MYBBP1A: variants seen among roughly 807,000 people sequenced by gnomAD.
MYBBP1A encodes the protein MYB binding protein 1a.
A neutral mutation model predicts 136.3 loss-of-function variants in MYBBP1A; 147 were observed. That is an observed-to-expected ratio of 1.08 (90% CI 0.94 to 1.24). MYBBP1A has a LOEUF of 1.24. Ranked by LOEUF, MYBBP1A falls within the 50% of genes most tolerant of loss-of-function variation. MYBBP1A has a pLI of 0.00. For missense variants in MYBBP1A, 2,060 were observed against 1,727.4 expected, an observed-to-expected ratio of 1.19 and a Z score of -3.41; for synonymous variants, 947 against 735.8, an observed-to-expected ratio of 1.29 and a Z score of -4.65.
Position 4,544,487 on chromosome 17 carries a change from A to T in MYBBP1A, c.2639+2T>A. 1 of 1,548,568 alleles carries T rather than the reference A, an allele frequency of 6.5e-7. No homozygotes were observed. Among genetic ancestry groups the T allele is most frequent in the Non-Finnish European group, 8.7e-7 (1 of 1,147,504 alleles). On this transcript the variant is annotated splice_donor_variant, in intron 19 of 25. Transcript: ENST00000254718. LOFTEE classifies it high-confidence loss of function. ...CTGCCCGCCCTGCACCCCCGTGCTC[A>T]CGTGAAGATGCGCGCCGTCTTGTGC... is the stretch of plus-strand genomic sequence containing the variant.
chr17:4,543,214 T>G, intron 19 of MYBBP1A, 49 bp from the exon 20 acceptor site: 1 of 1,541,460 alleles, frequency 6.5e-7, no homozygotes, highest in Non-Finnish European at 8.7e-7. Flanking sequence ...CGGTCCACCC[T>G]GCTCCGCCAA....
Position 4,545,092 on chromosome 17 carries a change from G to A in MYBBP1A, c.2244C>T (p.Arg748=), listed in dbSNP as rs773387738. The change falls in exon 17 of 26, where the codon CGC becomes CGT. Residue 748 remains arginine (R), a synonymous_variant. Transcript: ENST00000254718. ...GGAAGCCCTGATCCACGTCCCCGTC[G>A]CGCTCCTCCTCCTCGCTCTCCTCCC... The part of the protein sequence containing the change: ...SEGEESEEEE[R]DGDVDQGFRE... 53 of 1,590,468 alleles carry A rather than the reference G, an allele frequency of 3.3e-5. No homozygotes were observed. The Middle Eastern group carries it at 6.6e-4, about 20-fold the overall frequency.
chr17:4,549,930 G>C lies in MYBBP1A; in HGVS notation c.1319+128C>G, dbSNP rs140379971. The C allele has an allele frequency of 8.3e-3, 8,436 of 1,019,790 alleles. 56 individuals carry two copies. Among genetic ancestry groups the C allele is most frequent in the Middle Eastern group, 0.012 (43 of 3,482 alleles). The allele number at this position is 1,019,790 out of a possible 1,614,324, so 63.2% of individuals were successfully genotyped here. A position where few individuals can be genotyped will look rare whatever the true frequency, so the allele number is the denominator to read the frequency against. On this transcript the variant is annotated intron_variant, in intron 9 of 25. Transcript: ENST00000254718. ...ACTGAGGCCTCATATGAGAGCTAAG[G>C]CTCTTCCCCCTCGCTCCTCTCATGG... is the stretch of plus-strand genomic sequence containing the variant.
Position 4,548,304 on chromosome 17 carries a change from C to T in MYBBP1A, c.1563G>A (p.Leu521=). Residue 521 remains leucine (L), a synonymous_variant, in exon 12 of 26, where the codon TTG becomes TTA. Transcript: ENST00000254718. The surrounding 1 kb of genome is among the most constrained non-coding windows in gnomAD (Gnocchi z 4.2). ...GCTTGAACTGCGTGCTGAGGGTCTG[C>T]AACAGACTGGGCAAGGGATGGGGCT... is the stretch of plus-strand genomic sequence containing the variant. The part of the protein sequence containing the change: ...EAVSSAFFSL[L]QTLSTQFKQA... 1 of 1,612,240 alleles carries T rather than the reference C, an allele frequency of 6.2e-7. No individual in the cohort carries two copies. Among genetic ancestry groups the T allele is most frequent in the Non-Finnish European group, 8.5e-7 (1 of 1,179,852 alleles).
chr17:4,542,946 G>A lies in MYBBP1A; in HGVS notation c.2859C>T (p.Gly953=), dbSNP rs1347815641. ...VHETQEKQKA[G]TDPSHMPTGP... is the part of the protein sequence containing the mutation. ...CCGTGGGCATGTGGCTGGGGTCAGT[G>A]CCAGCTTTCTGCTTCTCCTGTGTCT... is the stretch of plus-strand genomic sequence containing the variant. The change falls in exon 20 of 26, where the codon GGC becomes GGT. Residue 953 remains glycine (G), a synonymous_variant. Transcript: ENST00000254718. 1.9e-6 allele frequency: 3 copies of A among 1,614,040 alleles called. No individual in the cohort carries two copies. Among genetic ancestry groups the A allele is most frequent in the Non-Finnish European group, 2.5e-6 (3 of 1,180,000 alleles).
rs1907142343 is a variant in MYBBP1A at position 4,547,953 on chromosome 17, A to C, written c.1824+5T>G. 3.3e-6 allele frequency: 5 copies of C among 1,492,564 alleles called. No individual in the cohort carries two copies. The highest frequency in any genetic ancestry group is 4.4e-5 in the Admixed American group (2 of 45,308). 92.5% of individuals were successfully genotyped at this position (1,492,564 alleles called of 1,614,324 possible). A position where few individuals can be genotyped will look rare whatever the true frequency, so the allele number is the denominator to read the frequency against. ...TCACAGCCCCTCCCTCCCAGGCCCC[A>C]GTACCTTGAGGAGGTGGATGCCCAC... is the stretch of plus-strand genomic sequence containing the variant. On this transcript the variant is annotated splice_donor_5th_base_variant and intron_variant, in intron 13 of 25. Transcript: ENST00000254718.
Position 4,549,561 on chromosome 17 carries a change from G to A in MYBBP1A, c.1320-119C>T, listed in dbSNP as rs906342333. The A allele has an allele frequency of 1.2e-5, 10 of 803,746 alleles. 1 individual carries two copies. The highest frequency in any genetic ancestry group is 4.5e-5 in the Admixed American group (2 of 44,216). The allele number at this position is 803,746 out of a possible 1,614,324, so 49.8% of individuals were successfully genotyped here. ...GGAGGCCAAGGCTGGCCAATCACTC[G>A]AGGTCAGGAGTTCGAGACCAGCCTG... On this transcript the variant is annotated intron_variant, in intron 9 of 25. Coordinates refer to ENST00000254718, the MANE Select transcript of MYBBP1A (RefSeq NM_014520.4).
At position 4,545,869 on chromosome 17, in the gene MYBBP1A, C is replaced by T. The variant is rs766943097; in HGVS notation, c.1898G>A (p.Arg633His). The T allele has an allele frequency of 1.5e-5, 24 of 1,613,136 alleles. No individual in the cohort carries two copies. The highest frequency in any genetic ancestry group is 9.3e-5 in the African/African-American group (7 of 74,936). ...CIRKSLGEKP[R>H]RSRTKTIDPQ... Reference sequence around the variant, plus strand: ...ACCGATGGTCTTGGTGCGGCTCCGGCGGGGCTTCTCTCCCAGACTTTTCCT... The same window carrying T: ...ACCGATGGTCTTGGTGCGGCTCCGGTGGGGCTTCTCTCCCAGACTTTTCCT... The change falls in exon 14 of 26, where the codon CGC (arginine) becomes CAC (histidine). Residue 633 changes from arginine (R) to histidine (H), a missense_variant. Arg to His is a conservative substitution (Grantham distance 29). Transcript: ENST00000254718.
chr17:4,542,508 T>C lies in MYBBP1A; in HGVS notation c.3043A>G (p.Ile1015Val), dbSNP rs759429596. 1 of 1,612,004 alleles carries C rather than the reference T, an allele frequency of 6.2e-7. No individual in the cohort carries two copies. Among genetic ancestry groups the C allele is most frequent in the East Asian group, 2.2e-5 (1 of 44,754 alleles). The change falls in exon 22 of 26, where the codon ATC becomes GTC. Residue 1015 changes from isoleucine to valine, a missense_variant. Ile to Val is a conservative substitution (Grantham distance 29, BLOSUM62 3). Transcript: ENST00000254718. Reference protein sequence around the residue: ...HPVLCQSLLPILVQHITGPVR... With the variant: ...HPVLCQSLLPVLVQHITGPVR... ...GGGCCCGTGATATGCTGGACCAGGA[T>C]GGGGAGCAGGCTCTGACAGAGCACC...
Position 4,549,947 on chromosome 17 carries a change from C to T in MYBBP1A, c.1319+111G>A, listed in dbSNP as rs1907354782. The T allele has an allele frequency of 3.4e-5, 42 of 1,226,734 alleles. 1 individual carries two copies. The South Asian group carries it at 5.9e-4, about 17-fold the overall frequency. The allele number at this position is 1,226,734 out of a possible 1,614,324, so 76.0% of individuals were successfully genotyped here. A position where few individuals can be genotyped will look rare whatever the true frequency, so the allele number is the denominator to read the frequency against. On this transcript the variant is annotated intron_variant, in intron 9 of 25. Transcript: ENST00000254718. ...GAGCTAAGGCTCTTCCCCCTCGCTC[C>T]TCTCATGGTTTAGAGCCAGGACGCT...
chr17:4,540,397 T>C lies in MYBBP1A; in HGVS notation c.3385A>G (p.Ser1129Gly), dbSNP rs750495027. Residue 1129 changes from serine to glycine, a missense_variant, in exon 25 of 26, where the codon AGC becomes GGC. Physicochemically the swap from Ser to Gly is moderately conservative, Grantham distance 56. Coordinates refer to ENST00000254718, the MANE Select transcript of MYBBP1A (RefSeq NM_014520.4). Reference protein sequence around the residue: ...LQQGAHSTGSSRLHDLYWQAM... With the variant: ...LQQGAHSTGSGRLHDLYWQAM... ...TGCCAGTAGAGGTCGTGCAGGCGGC[T>C]GGAGCCGGTGGAGTGTGCCCCCTGC... is the stretch of plus-strand genomic sequence containing the variant. 16 of 1,610,130 alleles carry C rather than the reference T, an allele frequency of 9.9e-6. No individual in the cohort carries two copies. The South Asian group carries it at 1.5e-4, about 15-fold the overall frequency.
chr17:4,542,535 G>C lies in MYBBP1A; in HGVS notation c.3019-3C>G, dbSNP rs1159475834. ...GGGAGCAGGCTCTGACAGAGCACCT[G>C]GTGGGGAGTGACAAGGGCTGTGAGG... On this transcript the variant is annotated splice_region_variant and splice_polypyrimidine_tract_variant and intron_variant, in intron 21 of 25. Coordinates refer to ENST00000254718, the MANE Select transcript of MYBBP1A (RefSeq NM_014520.4). 1.2e-6 allele frequency: 2 copies of C among 1,612,464 alleles called. No individual in the cohort carries two copies. The highest frequency in any genetic ancestry group is 2.2e-5 in the East Asian group (1 of 44,778).
chr17:4,545,153 T>C lies in MYBBP1A; in HGVS notation c.2183A>G (p.Asp728Gly). 1 of 1,613,338 alleles carries C rather than the reference T, an allele frequency of 6.2e-7. No homozygotes were observed. The highest frequency in any genetic ancestry group is 1.1e-5 in the South Asian group (1 of 91,038). ...CTCTTCACTCTCTGAGCTTCTGTTG[T>C]CCTCACCTTCCTCGCTCTTGTCCTG... ...GAEDKSEEGE[D>G]NRSSESEEES... is the part of the protein sequence containing the mutation. The change falls in exon 17 of 26, where the codon GAC becomes GGC. Residue 728 changes from aspartate (D) to glycine (G), a missense_variant. Physicochemically the swap from Asp to Gly is moderately conservative, Grantham distance 94. Transcript: ENST00000254718.
chr17:4,542,226 G>A (rs1411952837), intron 22 of MYBBP1A: 3 of 589,584 alleles, frequency 5.1e-6, no homozygotes, highest in Middle Eastern at 4.4e-4. Flanking sequence ...GGCAGCAGTG[G>A]CTGCGGGAGT....
Position 4,539,819 on chromosome 17 carries a change from C to T in MYBBP1A, c.3583G>A (p.Gly1195Ser), listed in dbSNP as rs1369741423. 6.2e-7 allele frequency: 1 copy of T among 1,611,114 alleles called. No individual in the cohort carries two copies. The highest frequency in any genetic ancestry group is 8.5e-7 in the Non-Finnish European group (1 of 1,179,984). Reference protein sequence around the residue: ...KSEDGTPAEDGTPAATGGSQP... With the variant: ...KSEDGTPAEDSTPAATGGSQP... ...CTCCCGCCGGTGGCTGCAGGTGTGC[C>T]ATCCTCCGCTGGCGTGCCATCCTCT... The change falls in exon 26 of 26, where the codon GGC becomes AGC. Residue 1195 changes from glycine to serine, a missense_variant. Coordinates refer to ENST00000254718, the MANE Select transcript of MYBBP1A (RefSeq NM_014520.4).
At chr17:4,555,044 G>GC in intron 1 of MYBBP1A, 83 bp downstream of exon 1, 2 of 1,584,778 alleles carry the variant, frequency 1.3e-6, no homozygotes. Context: ...GCGACCACGT[G>GC]CCCCCAGTCT....
intron 9 of MYBBP1A, 136 bp downstream of exon 9, chr17:4,549,922 G>C (rs527383979): frequency 2.2e-6 from 2 of 929,126 alleles, no homozygotes; most frequent in Non-Finnish European, 3.2e-6. Flanking sequence ...CCTCATATGA[G>C]AGCTAAGGCT....
chr17:4,542,656 A>AG lies in MYBBP1A; in HGVS notation c.2977dup (p.Leu993ProfsTer56). The stretch of plus-strand genomic sequence containing the variant: ...GAGGCTGAGGAACATGGGAACTGTG[A>AG]GGGGGCTGTTGCGCTTGGTCAGGAA... On this transcript the variant is annotated frameshift_variant, in exon 21 of 26. Transcript: ENST00000254718. LOFTEE classifies it high-confidence loss of function. The AG allele has an allele frequency of 6.2e-7, 1 of 1,614,000 alleles. No homozygotes were observed. Among genetic ancestry groups the AG allele is most frequent in the Non-Finnish European group, 8.5e-7 (1 of 1,179,926 alleles).
At chr17:4,541,993 C>G (rs1041442283) in intron 22 of MYBBP1A, 102 bp from the exon 23 acceptor site, 1 of 849,302 alleles carries the variant, frequency 1.2e-6, no homozygotes, top group Non-Finnish European at 1.9e-6. Context: ...CTGCTGTGGG[C>G]AGCGTGTGAG....
Sources: gnomAD v4.1 joint callset for allele counts on GRCh38, gnomAD v4.1.1 for gene constraint, Gnocchi (gnomAD v3.1) non-coding constraint, MANE v1.5 for transcripts, NCBI Gene and HGNC (gene_info 2026-07-23, HGNC 2026-07-21) for gene names.